HACD1: variants seen among roughly 807,000 people sequenced by gnomAD.
HACD1 encodes 3-hydroxyacyl-CoA dehydratase 1, also known as very-long-chain (3R)-3-hydroxyacyl-CoA dehydratase 1.
In HACD1, 41 loss-of-function variants were observed where a neutral mutation model predicts 32.0. The ratio of observed to expected loss-of-function variants is 1.28; its 90% CI spans 1.00 to 1.66. HACD1 has a LOEUF of 1.66. Ranked by LOEUF, HACD1 falls within the 40% of genes most tolerant of loss-of-function variation. The pLI is 0.00. For missense variants in HACD1, 396 were observed against 380.1 expected (o/e 1.04, Z -0.35); for synonymous variants, 142 against 139.0 (o/e 1.02, Z -0.15).
chr10:17,594,512 A>G, intron 5 of HACD1, 129 bp from the exon 6 acceptor site: 1 of 695,900 alleles, frequency 1.4e-6, no homozygotes, highest in Non-Finnish European at 2.1e-6. Context: ...CAATAACCTT[A>G]CGTAAGGTTA....
At chr10:17,590,591 A>T (rs1423022186) in intron 6 of HACD1, 145 bp from the exon 7 acceptor site, 1 of 529,044 alleles carries the variant, frequency 1.9e-6, no homozygotes, top group Non-Finnish European at 3.2e-6. Context: ...TCAAGACTAT[A>T]AGAGTGCAAA....
At chr10:17,616,940 T>C (rs1833095635) in intron 1 of HACD1, 143 bp downstream of exon 1, 2 of 861,480 alleles carry the variant, frequency 2.3e-6, no homozygotes, top group East Asian at 4.3e-5. Flanking sequence ...ACCCCGGCGG[T>C]GGCCGCGGCG....
chr10:17,594,811 A>C (rs1381098562), intron 5 of HACD1, among the ~76,000 whole-genome samples: 1 of 151,154 alleles, frequency 6.6e-6, no homozygotes, highest in Non-Finnish European at 1.5e-5. Context: ...AGCTGGGATT[A>C]CAGGTGTGTG....
At chr10:17,605,691 C>G (rs1208752809) in intron 1 of HACD1, among the ~76,000 whole-genome samples, 1 of 151,600 alleles carries the variant, frequency 6.6e-6, no homozygotes, top group Non-Finnish European at 1.5e-5. Context: ...TAGTGGCTCA[C>G]CCCTGTAATC....
chr10:17,593,438 C>T (rs1385620932), intron 6 of HACD1, among the ~76,000 whole-genome samples: 2 of 152,116 alleles, frequency 1.3e-5, no homozygotes, highest in Non-Finnish European at 2.9e-5. Context: ...GCCTCAGCCT[C>T]CTGAGTAGCT....
chr10:17,590,233 G>A lies in HACD1; in HGVS notation c.*131C>T, dbSNP rs1386645716. On this transcript the variant is annotated 3_prime_UTR_variant, in exon 7 of 7. Transcript: ENST00000361271. ...GAACACAAATACTGGCAAATACCACGTGTCTCAAGTTATATTTTAAGAAAC... is the reference window on the plus strand; with the variant it reads ...GAACACAAATACTGGCAAATACCACATGTCTCAAGTTATATTTTAAGAAAC... 1.7e-5 allele frequency: 10 copies of A among 593,860 alleles called. No homozygotes were observed. Among genetic ancestry groups the A allele is most frequent in the South Asian group, 5.7e-5 (2 of 35,344 alleles). 36.8% of individuals were successfully genotyped at this position (593,860 alleles called of 1,614,324 possible). A position where few individuals can be genotyped will look rare whatever the true frequency, so the allele number is the denominator to read the frequency against.
At chr10:17,613,821 A>C (rs539863177) in intron 1 of HACD1, among the ~76,000 whole-genome samples, 56 of 152,360 alleles carry the variant, frequency 3.7e-4, no homozygotes, top group African/African-American at 1.3e-3. Context: ...AGTCATGGGA[A>C]TAACAGGAGA....
At chr10:17,603,857 AT>A in intron 2 of HACD1, 72 bp downstream of exon 2, 1 of 1,467,544 alleles carries the variant, frequency 6.8e-7, no homozygotes, top group Non-Finnish European at 9.5e-7. Flanking sequence ...GCAAAATCAT[AT>A]TGATTTTGCA....
chr10:17,611,193 G>C lies in HACD1; in HGVS notation c.257+5890C>G, dbSNP rs142634743. On this transcript the variant is annotated intron_variant, in intron 1 of 6. Transcript: ENST00000361271. ...TTTTTTGTATTTTTAGTAGAGACAG[G>C]GTTTCACTGTGTTAGCCAGGATGGT... 4.3e-3 allele frequency among the ~76,000 whole-genome samples: 653 copies of C among 152,106 alleles called. 3 individuals are homozygous for C. Among genetic ancestry groups the C allele is most frequent in the African/African-American group, 0.014 (596 of 41,498 alleles).
intron 1 of HACD1, among the ~76,000 whole-genome samples, chr10:17,613,541 C>G (rs1833023382): frequency 6.6e-6 from 1 of 152,204 alleles, no homozygotes; most frequent in Non-Finnish European, 1.5e-5. Context: ...AATGTCTACT[C>G]TCTATGTATG....
intron 2 of HACD1, 25 bp from the exon 3 acceptor site, chr10:17,603,769 T>C: frequency 6.3e-7 from 1 of 1,585,984 alleles, no homozygotes; most frequent in South Asian, 1.1e-5. Flanking sequence ...AAAAAAATCA[T>C]TACGTCAATA....
chr10:17,591,037 A>G (rs1298043773), intron 6 of HACD1, among the ~76,000 whole-genome samples: 2 of 152,144 alleles, frequency 1.3e-5, no homozygotes, highest in African/African-American at 4.8e-5. Flanking sequence ...AATGACCTGG[A>G]AGACCATGTT....
chr10:17,609,734 G>A (rs553352203), intron 1 of HACD1, among the ~76,000 whole-genome samples: 4 of 152,018 alleles, frequency 2.6e-5, no homozygotes, highest in South Asian at 2.1e-4. Context: ...AAGAAATTAC[G>A]CTTTGGGAGG....
intron 2 of HACD1, 91 bp downstream of exon 2, chr10:17,603,839 T>C: frequency 6.8e-7 from 1 of 1,469,714 alleles, no homozygotes; most frequent in Non-Finnish European, 9.5e-7. Flanking sequence ...ATAGGTGGTA[T>C]GTAATCAGCA....
rs7895850 is a variant in HACD1 at position 17,617,150 on chromosome 10, C to G, written c.190G>C (p.Glu64Gln). 139,124 of 1,506,330 alleles carry G rather than the reference C, an allele frequency of 0.092. 7,574 individuals carry two copies. Among genetic ancestry groups the G allele is most frequent in the East Asian group, 0.27 (9,857 of 35,888 alleles). 93.3% of individuals were successfully genotyped at this position (1,506,330 alleles called of 1,614,324 possible). A position where few individuals can be genotyped will look rare whatever the true frequency, so the allele number is the denominator to read the frequency against. ...EAGEDREAPG[E>Q]RRRLGVLATA... ...GCCAAGACCCCCAGGCGCCTCCGCT[C>G]GCCGGGAGCCTCCCGGTCCTCGCCG... Residue 64 changes from glutamate (E) to glutamine (Q), a missense_variant, in exon 1 of 7, where the codon GAG becomes CAG. By Grantham distance (29) the Glu-to-Gln change is conservative. Coordinates refer to ENST00000361271, the MANE Select transcript of HACD1 (RefSeq NM_014241.4).
chr10:17,610,999 CTTTTTTTTT>C (rs71393021), intron 1 of HACD1, among the ~76,000 whole-genome samples: 1 of 103,016 alleles, frequency 9.7e-6, no homozygotes, highest in Non-Finnish European at 1.9e-5. Context: ...AGGTCCTCTT[CTTTTTTTTT>C]TTTTTTTTTT....
At chr10:17,598,133 A>G (rs1554816150) in intron 5 of HACD1, among the ~76,000 whole-genome samples, 1 of 151,442 alleles carries the variant, frequency 6.6e-6, no homozygotes, top group Non-Finnish European at 1.5e-5. Flanking sequence ...GGTGGCCTGC[A>G]CCTGTACTCC....
At chr10:17,616,968 C>T in intron 1 of HACD1, 115 bp downstream of exon 1, 1 of 1,160,488 alleles carries the variant, frequency 8.6e-7, no homozygotes, top group Non-Finnish European at 1.1e-6. Flanking sequence ...CCTTCCCCCA[C>T]GGCCGCTGCC....
At chr10:17,597,937 G>T (rs1554816131) in intron 5 of HACD1, among the ~76,000 whole-genome samples, 1 of 152,060 alleles carries the variant, frequency 6.6e-6, no homozygotes, top group African/African-American at 2.4e-5. Flanking sequence ...GTCTAAAAAA[G>T]AGCTAGAGAA....
Sources: gnomAD v4.1 joint callset for allele counts (sites outside exome capture counted in the v4.1 genomes callset) on GRCh38, gnomAD v4.1.1 for gene constraint, MANE v1.5 for transcripts, NCBI Gene and HGNC (gene_info 2026-07-23, HGNC 2026-07-21) for gene names.